Variants in DNAH14 observed in about 807,000 individuals in gnomAD.
DNAH14 encodes dynein axonemal heavy chain 14, also known as axonemal beta dynein heavy chain 14.
A neutral mutation model predicts 520.9 loss-of-function variants in DNAH14; 478 were observed. The ratio of observed to expected loss-of-function variants is 0.92; its 90% confidence interval spans 0.85 to 0.99. DNAH14 has a LOEUF of 0.99. Among genes scored for constraint, DNAH14 ranks in the 50% least tolerant of loss-of-function variants. The pLI, the probability that DNAH14 is intolerant of heterozygous loss-of-function variation, is 0.00. For missense variants in DNAH14, 4,831 were observed against 5,234.5 expected (o/e 0.92, Z 2.38); for synonymous variants, 1,581 against 1,757.2 (o/e 0.90, Z 2.51).
Position 225,151,954 on chromosome 1 carries a change from C to A in DNAH14, c.4941-51C>A. On this transcript the variant is annotated intron_variant, in intron 31 of 85. Coordinates refer to ENST00000682510, the MANE Select transcript of DNAH14 (RefSeq NM_001367479.1). ...CAAACTCACTTATAGTTTTAACATG[C>A]TTTGGACTAGAGAAAACAGTGCTAG... The A allele has an allele frequency of 4.2e-6, 6 of 1,431,756 alleles. No homozygotes were observed. In the South Asian group the frequency reaches 7.3e-5, roughly 18 times the overall value. 88.7% of individuals were successfully genotyped at this position (1,431,756 alleles called of 1,614,324 possible).
In DNAH14 at chr1:225,229,213, C is replaced by T. The variant is rs890745012; in HGVS notation, c.6440-1860C>T. Among the ~76,000 whole-genome samples, 8 of 152,140 alleles carry T rather than the reference C, an allele frequency of 5.3e-5. No homozygotes were observed. The East Asian group carries it at 7.7e-4, about 15-fold the overall frequency. On this transcript the variant is annotated intron_variant, in intron 41 of 85. Coordinates refer to ENST00000682510, the MANE Select transcript of DNAH14 (RefSeq NM_001367479.1). ...TAGCTGTGCAGTCAGGCAAAATACCCGTGTCCACATACTTCTTTCATCCGT... is the reference window on the plus strand; with the variant it reads ...TAGCTGTGCAGTCAGGCAAAATACCTGTGTCCACATACTTCTTTCATCCGT...
intron 10 of DNAH14, among the ~76,000 whole-genome samples, chr1:225,012,823 G>T (rs1400618208): frequency 6.6e-6 from 1 of 152,152 alleles, no homozygotes; most frequent in African/African-American, 2.4e-5. Flanking sequence ...GGTCATTCAT[G>T]TTCTTCTGTA....
In DNAH14 at chr1:225,127,421, G is replaced by C. The variant is rs372763646; in HGVS notation, c.4254+3807G>C. Among the ~76,000 whole-genome samples, 21 of 152,152 alleles carry C rather than the reference G, an allele frequency of 1.4e-4. No homozygotes were observed. The East Asian group carries it at 3.9e-3, about 28-fold the overall frequency. ...ATTGGGTGCATATATATTTAGGATA[G>C]TTAGCTCTTCTTGTTGAATTGATCC... On this transcript the variant is annotated intron_variant, in intron 27 of 85. Transcript: ENST00000682510.
Position 225,322,085 on chromosome 1 carries a change from CTTTT to C in DNAH14, c.9336-559_9336-556del, listed in dbSNP as rs3047035. 2.7e-3 allele frequency among the ~76,000 whole-genome samples: 244 copies of C among 90,166 alleles called. 1 individual carries two copies. The highest frequency in any genetic ancestry group is 9.8e-3 in the African/African-American group (237 of 24,084). The allele number at this position is 90,166 out of a possible 152,430, so 59.2% of individuals were successfully genotyped here. A position where few individuals can be genotyped will look rare whatever the true frequency, so the allele number is the denominator to read the frequency against. Reference sequence around the variant, plus strand: ...TGAAGACTTTTCTTTTTTTTTCTTTCTTTTTTTTTTTTTTTTTTTTTTTGAGACA... The same window carrying C: ...TGAAGACTTTTCTTTTTTTTTCTTTCTTTTTTTTTTTTTTTTTTTGAGACA... On this transcript the variant is annotated intron_variant, in intron 61 of 85. Transcript: ENST00000682510.
chr1:225,306,665 AC>A (rs1306598455), intron 58 of DNAH14, among the ~76,000 whole-genome samples: 3 of 152,076 alleles, frequency 2.0e-5, no homozygotes, highest in Non-Finnish European at 4.4e-5. Context: ...TGTCTTACCC[AC>A]AACACAGCTC....
intron 43 of DNAH14, among the ~76,000 whole-genome samples, chr1:225,242,140 G>C (rs1435070541): frequency 6.6e-6 from 1 of 152,224 alleles, no homozygotes; most frequent in Admixed American, 6.5e-5. Flanking sequence ...AGGCTGAGGT[G>C]AGAGGATCGC....
chr1:225,038,780 C>G lies in DNAH14; in HGVS notation c.1445C>G (p.Ser482Cys). The G allele has an allele frequency of 1.5e-5, 23 of 1,522,988 alleles. No individual in the cohort carries two copies. Among genetic ancestry groups the G allele is most frequent in the Non-Finnish European group, 2.0e-5 (23 of 1,136,874 alleles). 94.3% of individuals were successfully genotyped at this position (1,522,988 alleles called of 1,614,324 possible). Residue 482 changes from serine to cysteine, a missense_variant, in exon 12 of 86, where the codon TCT becomes TGT. Physicochemically the swap from Ser to Cys is moderately radical, Grantham distance 112 (BLOSUM62 -1). Transcript: ENST00000682510. The part of the protein sequence containing the change: ...LVDNSKLHAI[S>C]VQKSEVKTDT... ...GATAATTCAAAGTTACATGCTATTT[C>G]TGTTCAAAAGTCAGAAGTAAAAACA...
chr1:225,373,263 G>T (rs374940712), intron 77 of DNAH14, among the ~76,000 whole-genome samples: 26 of 152,196 alleles, frequency 1.7e-4, no homozygotes, highest in African/African-American at 4.8e-4. Context: ...GGCCGAGGCC[G>T]CCAGATCACG....
At chr1:225,270,919 G>A in intron 50 of DNAH14, 53 bp downstream of exon 50, 1 of 1,482,818 alleles carries the variant, frequency 6.7e-7, no homozygotes, top group East Asian at 2.5e-5. Flanking sequence ...CTAGAATAAG[G>A]AAAAATACGA....
intron 46 of DNAH14, 57 bp from the exon 47 acceptor site, chr1:225,264,140 A>T: frequency 1.4e-6 from 2 of 1,382,088 alleles, no homozygotes; most frequent in Non-Finnish European, 2.0e-6. Flanking sequence ...GTTGTTGTTT[A>T]ATATACCTAT....
At chr1:225,288,795 A>G (rs1274024219) in intron 54 of DNAH14, among the ~76,000 whole-genome samples, 1 of 152,182 alleles carries the variant, frequency 6.6e-6, no homozygotes, top group Non-Finnish European at 1.5e-5. Context: ...GGCTATAATC[A>G]AAAAGATAGT....
Position 225,128,434 on chromosome 1 carries a change from C to T in DNAH14, c.4254+4820C>T, listed in dbSNP as rs527736067. The stretch of plus-strand genomic sequence containing the variant: ...AATCCTCAATAAAATACTGGCAAAC[C>T]GAATCCAGCAGCACATCAAAAAGCT... On this transcript the variant is annotated intron_variant, in intron 27 of 85. Coordinates refer to ENST00000682510, the MANE Select transcript of DNAH14 (RefSeq NM_001367479.1). 3.7e-3 allele frequency among the ~76,000 whole-genome samples: 559 copies of T among 151,930 alleles called. 11 individuals carry two copies. Among genetic ancestry groups the T allele is most frequent in the Admixed American group, 0.033 (497 of 15,236 alleles).
chr1:225,236,049 TC>T (rs1407277128), intron 42 of DNAH14, among the ~76,000 whole-genome samples: 8 of 152,300 alleles, frequency 5.3e-5, no homozygotes, highest in African/African-American at 1.9e-4. Flanking sequence ...TCAGCTCTGA[TC>T]TTGGTTATTT....
At chr1:225,155,446 GT>G in intron 34 of DNAH14, among the ~76,000 whole-genome samples, 2 of 152,184 alleles carry the variant, frequency 1.3e-5, no homozygotes, top group East Asian at 3.9e-4. Flanking sequence ...AAAATGGCCT[GT>G]ATAATATTGA....
At position 224,967,449 on chromosome 1, in the gene DNAH14, G is replaced by T; in HGVS notation, c.517G>T (p.Gly173Ter). The change falls in exon 6 of 86, where the codon GGA becomes TGA. Residue 173 changes from glycine (G) to a stop codon, truncating the protein, a stop_gained. Coordinates refer to ENST00000682510, the MANE Select transcript of DNAH14 (RefSeq NM_001367479.1). LOFTEE classifies it high-confidence loss of function. ...ITLKKPLEDD[G>*]EFVYCLPRKS... ...ATCTCAGAAACCTTTGGAAGATGATGGAGAATTTGTTTATTGCCTTCCTCG... is the reference window on the plus strand; with the variant it reads ...ATCTCAGAAACCTTTGGAAGATGATTGAGAATTTGTTTATTGCCTTCCTCG... The T allele has an allele frequency of 6.4e-7, 1 of 1,554,572 alleles. No homozygotes were observed. Among genetic ancestry groups the T allele is most frequent in the Non-Finnish European group, 8.6e-7 (1 of 1,158,182 alleles).
intron 55 of DNAH14, among the ~76,000 whole-genome samples, chr1:225,299,985 T>A (rs2094107287): frequency 6.6e-6 from 1 of 152,148 alleles, no homozygotes; most frequent in Non-Finnish European, 1.5e-5. Context: ...GCTACCTACT[T>A]TTTTAAATGC....
intron 1 of DNAH14, among the ~76,000 whole-genome samples, chr1:224,932,749 G>A (rs2058776044): frequency 1.3e-5 from 2 of 152,034 alleles, no homozygotes; most frequent in Admixed American, 1.3e-4. Flanking sequence ...TAAATATGTG[G>A]CTTTAATTCT....
chr1:225,093,249 C>A (rs1490402221), intron 21 of DNAH14, among the ~76,000 whole-genome samples: 1 of 152,056 alleles, frequency 6.6e-6, no homozygotes, highest in Middle Eastern at 3.2e-3. Flanking sequence ...TACTAGCAAA[C>A]TGAACCCAGC....
At chr1:225,104,897 C>A (rs1458915326) in intron 23 of DNAH14, among the ~76,000 whole-genome samples, 3 of 152,052 alleles carry the variant, frequency 2.0e-5, no homozygotes, top group Non-Finnish European at 4.4e-5. Context: ...CAGTTCTGCT[C>A]TGGTCTTAGT....
Sources: allele counts gnomAD v4.1 joint callset (sites outside exome capture counted in the v4.1 genomes callset), GRCh38; gene constraint gnomAD v4.1.1; transcripts MANE v1.5; gene names NCBI Gene and HGNC (gene_info 2026-07-23, HGNC 2026-07-21).